CDKAL1: variants seen among roughly 807,000 people sequenced by gnomAD.
The protein encoded by CDKAL1 is CDKAL1 threonylcarbamoyladenosine tRNA methylthiotransferase, also known as threonylcarbamoyladenosine tRNA methylthiotransferase.
CDKAL1 carries 32 observed loss-of-function variants against 68.2 expected under a neutral mutation model. The ratio of observed to expected loss-of-function variants is 0.47; its 90% CI spans 0.35 to 0.63. The LOEUF is 0.63. Among genes scored for constraint, CDKAL1 ranks in the 30% least tolerant of loss-of-function variants. The pLI is 0.00. For synonymous variants in CDKAL1, 234 were observed against 244.3 expected (o/e 0.96, Z 0.39); for missense variants, 606 against 696.7 (o/e 0.87, Z 1.47).
intron 10 of CDKAL1, among the ~76,000 whole-genome samples, chr6:20,984,899 C>G (rs1478725072): frequency 6.6e-6 from 1 of 152,052 alleles, no homozygotes; most frequent in East Asian, 1.9e-4. Context: ...TTTTGGGCTG[C>G]AGTTCCAGGC....
intron 4 of CDKAL1, among the ~76,000 whole-genome samples, chr6:20,595,005 C>G (rs1252508900): frequency 2.0e-5 from 3 of 152,170 alleles, no homozygotes; most frequent in African/African-American, 7.2e-5. Context: ...GGCCGCCACT[C>G]TCTGCTGACT....
At chr6:21,219,555 T>G (rs983205083) in intron 15 of CDKAL1, among the ~76,000 whole-genome samples, 1 of 152,260 alleles carries the variant, frequency 6.6e-6, no homozygotes, top group Non-Finnish European at 1.5e-5. Context: ...CATGGTGATA[T>G]GTAGGAAACA....
At chr6:20,807,512 T>C (rs1776624609) in intron 8 of CDKAL1, among the ~76,000 whole-genome samples, 1 of 152,208 alleles carries the variant, frequency 6.6e-6, no homozygotes, top group Admixed American at 6.5e-5. Flanking sequence ...CAAGCCACTG[T>C]ACCCGGCCTG....
chr6:20,625,848 T>G (rs1465388577), intron 4 of CDKAL1, among the ~76,000 whole-genome samples: 1 of 152,144 alleles, frequency 6.6e-6, no homozygotes, highest in African/African-American at 2.4e-5. Context: ...AGATTGTAAT[T>G]GGGAAACTCT....
intron 9 of CDKAL1, among the ~76,000 whole-genome samples, chr6:20,945,461 T>C (rs1472564737): frequency 2.0e-5 from 3 of 152,220 alleles, no homozygotes; most frequent in Non-Finnish European, 4.4e-5. Context: ...TTTATAATTA[T>C]AGTTTCCAGG....
chr6:20,940,283 TCA>T (rs906418560), intron 9 of CDKAL1, among the ~76,000 whole-genome samples: 4 of 152,320 alleles, frequency 2.6e-5, no homozygotes, highest in Admixed American at 2.6e-4. Context: ...TGAAGAATTT[TCA>T]GTTTCTGTTG....
At chr6:20,881,815 A>G (rs1034404269) in intron 9 of CDKAL1, among the ~76,000 whole-genome samples, 1 of 152,116 alleles carries the variant, frequency 6.6e-6, no homozygotes, top group African/African-American at 2.4e-5. Flanking sequence ...AGTAGTTAAT[A>G]ATTTTTATTC....
At chr6:20,730,695 A>T (rs1772878670) in intron 5 of CDKAL1, among the ~76,000 whole-genome samples, 1 of 151,636 alleles carries the variant, frequency 6.6e-6, no homozygotes, top group Admixed American at 6.6e-5. Context: ...AAATACAAAA[A>T]TTAGCTGGGT....
chr6:21,107,596 T>G (rs1300446888), intron 12 of CDKAL1, among the ~76,000 whole-genome samples: 1 of 151,608 alleles, frequency 6.6e-6, no homozygotes, highest in Non-Finnish European at 1.5e-5. Context: ...CCCAGCTAAT[T>G]TTTTTTTGTA....
chr6:21,164,559 G>A (rs941471484), intron 13 of CDKAL1, among the ~76,000 whole-genome samples: 19 of 152,122 alleles, frequency 1.2e-4, no homozygotes, highest in South Asian at 8.3e-4. Context: ...GAACTAAATT[G>A]GCTTGATGCC....
intron 8 of CDKAL1, among the ~76,000 whole-genome samples, chr6:20,803,974 G>A (rs1463384695): frequency 2.0e-5 from 3 of 150,484 alleles, no homozygotes; most frequent in African/African-American, 7.5e-5. Flanking sequence ...ATTATTTTTG[G>A]TCCTGTTTAG....
intron 13 of CDKAL1, among the ~76,000 whole-genome samples, chr6:21,137,726 A>G (rs1405204490): frequency 6.6e-6 from 1 of 152,246 alleles, no homozygotes; most frequent in Non-Finnish European, 1.5e-5. Context: ...AACACAGAGT[A>G]ACAAAAGGAA....
intron 4 of CDKAL1, among the ~76,000 whole-genome samples, chr6:20,638,869 T>C (rs942185322): frequency 2.0e-5 from 3 of 152,126 alleles, no homozygotes; most frequent in Admixed American, 2.0e-4. Flanking sequence ...CTTGACATCA[T>C]GATCCGCCTG....
chr6:20,814,265 A>G lies in CDKAL1; in HGVS notation c.639-31810A>G, dbSNP rs147983273. On this transcript the variant is annotated intron_variant, in intron 8 of 15. Coordinates refer to ENST00000274695, the MANE Select transcript of CDKAL1 (RefSeq NM_017774.3). ...AATAAAATTTTTTTTTAATGTTAAC[A>G]TTGTATTCTCCCACCTTCCTAAACT... 2.8e-3 allele frequency among the ~76,000 whole-genome samples: 432 copies of G among 152,258 alleles called. 1 individual carries two copies. The highest frequency in any genetic ancestry group is 9.2e-3 in the African/African-American group (384 of 41,562).
chr6:21,083,315 G>A (rs928172995), intron 12 of CDKAL1, among the ~76,000 whole-genome samples: 2 of 152,146 alleles, frequency 1.3e-5, no homozygotes, highest in Non-Finnish European at 2.9e-5. Flanking sequence ...GTGGAGTCAT[G>A]TTGGTGCTCA....
At chr6:20,734,250 A>G (rs1340613569) in intron 5 of CDKAL1, among the ~76,000 whole-genome samples, 10 of 151,924 alleles carry the variant, frequency 6.6e-5, no homozygotes, top group African/African-American at 1.9e-4. Flanking sequence ...TATGTTTTCT[A>G]TATTACTCAA....
chr6:21,082,554 G>A (rs1003608449), intron 12 of CDKAL1, among the ~76,000 whole-genome samples: 19 of 152,144 alleles, frequency 1.2e-4, no homozygotes, highest in African/African-American at 3.9e-4. Flanking sequence ...GTACTCATCC[G>A]ATAAATTCAA....
chr6:21,075,708 T>G (rs1376983189), intron 12 of CDKAL1, among the ~76,000 whole-genome samples: 1 of 152,178 alleles, frequency 6.6e-6, no homozygotes, highest in Non-Finnish European at 1.5e-5. Flanking sequence ...CTTCCTTCAT[T>G]AGTCTTCATT....
At chr6:20,973,744 A>G (rs1477009596) in intron 10 of CDKAL1, among the ~76,000 whole-genome samples, 2 of 152,092 alleles carry the variant, frequency 1.3e-5, no homozygotes, top group East Asian at 1.9e-4. Context: ...AGCTGGGACT[A>G]CAGGCATGCA....
Sources: allele counts gnomAD v4.1 joint callset (sites outside exome capture counted in the v4.1 genomes callset), GRCh38; gene constraint gnomAD v4.1.1; transcripts MANE v1.5; gene names NCBI Gene and HGNC (gene_info 2026-07-23, HGNC 2026-07-21).